Variants in SLC33A1 observed in about 807,000 individuals in gnomAD.
SLC33A1 encodes the protein solute carrier family 33 member 1, also known as acetyl-coenzyme A transporter 1.
A neutral mutation model predicts 50.0 loss-of-function variants in SLC33A1; 20 were observed. That is an observed-to-expected ratio of 0.40 (90% CI 0.28 to 0.58). The LOEUF (loss-of-function observed/expected upper bound fraction) is 0.58. Among genes scored for constraint, SLC33A1 ranks in the 20% least tolerant of loss-of-function variants. SLC33A1 has a pLI of 0.44. For missense variants in SLC33A1, 476 were observed against 657.0 expected (o/e 0.72, Z 3.01); for synonymous variants, 265 against 251.8 (o/e 1.05, Z -0.50).
At chr3:155,851,397 A>G (rs1280202521) in intron 1 of SLC33A1, among the ~76,000 whole-genome samples, 1 of 134,090 alleles carries the variant, frequency 7.5e-6, no homozygotes, top group Non-Finnish European at 1.5e-5. Context: ...GCCTTCGCAA[A>G]ACACCCAGCT....
In SLC33A1 at chr3:155,853,503, C is replaced by A. The variant is rs779178345; in HGVS notation, c.495G>T (p.Leu165Phe). The A allele has an allele frequency of 6.2e-7, 1 of 1,613,998 alleles. No homozygotes were observed. Among genetic ancestry groups the A allele is most frequent in the Non-Finnish European group, 8.5e-7 (1 of 1,180,038 alleles). ...GTGTTCTGTCATCGGTATTCCCAAG[C>A]AAACGGTCCACCTGAGTGGATAAAT... ...MIYLSTQVDR[L>F]LGNTDDRTPD... The change falls in exon 1 of 6, where the codon TTG becomes TTT. Residue 165 changes from leucine to phenylalanine, a missense_variant. Leu to Phe is a conservative substitution (Grantham distance 22). Transcript: ENST00000643144.
chr3:155,832,723 CAAAAA>C (rs11303771), intron 4 of SLC33A1, among the ~76,000 whole-genome samples: 8 of 28,130 alleles, frequency 2.8e-4, no homozygotes, highest in African/African-American at 3.6e-4. Context: ...GACTCTGTCT[CAAAAA>C]AAAAAAAAAA....
chr3:155,852,275 T>C (rs568917692), intron 1 of SLC33A1, among the ~76,000 whole-genome samples: 2 of 151,638 alleles, frequency 1.3e-5, no homozygotes, highest in Admixed American at 6.6e-5. Context: ...CTGGCCAACA[T>C]AGTGAGACAG....
At chr3:155,842,777 G>A (rs1752982981) in intron 1 of SLC33A1, 158 bp from the exon 2 acceptor site, 1 of 444,874 alleles carries the variant, frequency 2.2e-6, no homozygotes, top group Admixed American at 4.1e-5. Flanking sequence ...GGGAGGCCAA[G>A]GTGGGAGGAT....
At chr3:155,845,508 T>A (rs960678860) in intron 1 of SLC33A1, among the ~76,000 whole-genome samples, 21 of 152,158 alleles carry the variant, frequency 1.4e-4, no homozygotes, top group African/African-American at 5.1e-4. Flanking sequence ...ATTTCTAATT[T>A]CTTTGTGCTT....
chr3:155,832,639 C>T (rs996431517), intron 4 of SLC33A1, among the ~76,000 whole-genome samples: 1 of 148,174 alleles, frequency 6.7e-6, no homozygotes, highest in Admixed American at 6.9e-5. Context: ...ACCAGCCTGG[C>T]CAATATGGTG....
In SLC33A1 at chr3:155,853,863, C is replaced by T; in HGVS notation, c.135G>A (p.Arg45=). Residue 45 remains arginine (R), a synonymous_variant, in exon 1 of 6, where the codon CGG becomes CGA. Transcript: ENST00000643144. ...WDDSHLDSAG[R]EGDREALLGD... ...CCAGAAGAGCTTCTCTGTCCCCTTC[C>T]CGGCCCGCTGAGTCCAAATGACTGT... 6.3e-7 allele frequency: 1 copy of T among 1,582,956 alleles called. No individual in the cohort carries two copies. Among genetic ancestry groups the T allele is most frequent in the Non-Finnish European group, 8.6e-7 (1 of 1,164,210 alleles).
intron 2 of SLC33A1, among the ~76,000 whole-genome samples, chr3:155,839,849 G>A (rs1397387032): frequency 1.3e-5 from 2 of 151,826 alleles, no homozygotes; most frequent in African/African-American, 2.4e-5. Flanking sequence ...TCGGGAGGCT[G>A]AGGCAGAATT....
At chr3:155,848,156 G>A (rs1355539420) in intron 1 of SLC33A1, among the ~76,000 whole-genome samples, 1 of 152,132 alleles carries the variant, frequency 6.6e-6, no homozygotes, top group Admixed American at 6.6e-5. Flanking sequence ...GATGGGTCTT[G>A]CTATGTTGCC....
intron 1 of SLC33A1, among the ~76,000 whole-genome samples, chr3:155,851,472 A>T (rs570402653): frequency 1.3e-5 from 2 of 150,406 alleles, no homozygotes; most frequent in Non-Finnish European, 3.0e-5. Flanking sequence ...AGCTGGCTCT[A>T]CCTCCTCAGC....
At position 155,853,383 on chromosome 3, in the gene SLC33A1, T is replaced by TA. The variant is rs863223316; in HGVS notation, c.614dup (p.Leu205PhefsTer32). ...AAGCATAACCCACATTTTCCCTGGA[T>TA]AACATAGTTAACGCCCAACCATCGA... On this transcript the variant is annotated frameshift_variant, in exon 1 of 6. Transcript: ENST00000643144. LOFTEE classifies it high-confidence loss of function. 1.9e-6 allele frequency: 3 copies of TA among 1,614,128 alleles called. No individual in the cohort carries two copies. Among genetic ancestry groups the TA allele is most frequent in the Non-Finnish European group, 2.5e-6 (3 of 1,180,036 alleles).
At chr3:155,847,137 G>A (rs1365503464) in intron 1 of SLC33A1, among the ~76,000 whole-genome samples, 2 of 152,090 alleles carry the variant, frequency 1.3e-5, no homozygotes, top group Non-Finnish European at 2.9e-5. Context: ...GAATCCAGGA[G>A]GCAGAGGTTG....
At chr3:155,836,287 A>T in intron 2 of SLC33A1, among the ~76,000 whole-genome samples, 1 of 124,322 alleles carries the variant, frequency 8.0e-6, no homozygotes. Context: ...TGTCAAAAAA[A>T]AAAAAAAAAA....
Position 155,826,488 on chromosome 3 carries a change from C to T in SLC33A1, c.*1722G>A, listed in dbSNP as rs1227745036. 2 of 151,602 alleles carry T rather than the reference C, an allele frequency of 1.3e-5. No individual in the cohort carries two copies. The highest frequency in any genetic ancestry group is 2.9e-5 in the Non-Finnish European group (2 of 67,922). The allele number at this position is 151,602 out of a possible 1,614,324, so 9.4% of individuals were successfully genotyped here. ...TTATGGCAATCTGAGTTTCTTAATC[C>T]AAAAATTAAAAATCAAAACACATTT... is the stretch of plus-strand genomic sequence containing the variant. On this transcript the variant is annotated 3_prime_UTR_variant, in exon 6 of 6. Coordinates refer to ENST00000643144, the MANE Select transcript of SLC33A1 (RefSeq NM_004733.4).
In SLC33A1 at chr3:155,853,271, T is replaced by C; in HGVS notation, c.727A>G (p.Lys243Glu). 6.2e-7 allele frequency: 1 copy of C among 1,614,010 alleles called. No homozygotes were observed. The highest frequency in any genetic ancestry group is 8.5e-7 in the Non-Finnish European group (1 of 1,180,026). ...LALESADFCN[K>E]YLRFQPQPRG... ...GGTTGAGGCTGAAACCGCAAATATT[T>C]GTTACAAAAGTCGGCAGATTCAAGG... is the stretch of plus-strand genomic sequence containing the variant. The change falls in exon 1 of 6, where the codon AAA becomes GAA. Residue 243 changes from lysine (K) to glutamate (E), a missense_variant. Physicochemically the swap from Lys to Glu is moderately conservative, Grantham distance 56 (BLOSUM62 1). Coordinates refer to ENST00000643144, the MANE Select transcript of SLC33A1 (RefSeq NM_004733.4).
chr3:155,833,793 TG>T, intron 3 of SLC33A1, 63 bp downstream of exon 3: 1 of 1,207,432 alleles, frequency 8.3e-7, no homozygotes, highest in Non-Finnish European at 1.2e-6. Flanking sequence ...CAGATATTAG[TG>T]GTATTGATGA....
intron 2 of SLC33A1, among the ~76,000 whole-genome samples, chr3:155,839,628 A>T (rs1752846161): frequency 6.6e-6 from 1 of 152,112 alleles, no homozygotes; most frequent in East Asian, 1.9e-4. Flanking sequence ...AAAAAATTAT[A>T]TATGATTCAA....
At chr3:155,832,740 A>T (rs1175757380) in intron 4 of SLC33A1, among the ~76,000 whole-genome samples, 1 of 150,846 alleles carries the variant, frequency 6.6e-6, no homozygotes, top group African/African-American at 2.4e-5. Context: ...AAAAAAAAAA[A>T]AAAAAAAAGC....
intron 1 of SLC33A1, among the ~76,000 whole-genome samples, chr3:155,851,651 C>G (rs759289366): frequency 6.6e-6 from 1 of 152,044 alleles, no homozygotes; most frequent in African/African-American, 2.4e-5. Flanking sequence ...CTCCTGACCT[C>G]AAGTGATCCT....
Sources: allele counts gnomAD v4.1 joint callset (sites outside exome capture counted in the v4.1 genomes callset), GRCh38; gene constraint gnomAD v4.1.1; transcripts MANE v1.5; gene names NCBI Gene and HGNC (gene_info 2026-07-23, HGNC 2026-07-21).